The following PRKAR1B variants were observed in gnomAD, a reference collection of about 807,000 sequenced individuals.
The protein encoded by PRKAR1B is cAMP-dependent protein kinase type I-beta regulatory subunit.
PRKAR1B carries 22 observed loss-of-function variants against 46.5 expected under a neutral mutation model. The observed-to-expected ratio is 0.47, with a 90% CI of 0.34 to 0.68. The LOEUF is 0.68. Ranked by LOEUF, PRKAR1B falls within the 30% of genes least tolerant of loss-of-function variation. The pLI, the probability that PRKAR1B is intolerant of heterozygous loss-of-function variation, is 0.01. For synonymous variants in PRKAR1B, 259 were observed against 217.7 expected (o/e 1.19, Z -1.67); for missense variants, 445 against 535.6 (o/e 0.83, Z 1.67).
chr7:579,205 G>A (rs1440154891), intron 9 of PRKAR1B, 51 bp downstream of exon 9: 1 of 1,612,840 alleles, frequency 6.2e-7, no homozygotes, highest in Non-Finnish European at 8.5e-7. Context: ...GGTAAGAAGT[G>A]CCCCTGCCCC....
At chr7:669,728 C>T (rs1009415078) in intron 4 of PRKAR1B, among the ~76,000 whole-genome samples, 4 of 151,432 alleles carry the variant, frequency 2.6e-5, no homozygotes. Context: ...AGCGCCACTG[C>T]ACTCCAGCCT....
intron 4 of PRKAR1B, among the ~76,000 whole-genome samples, chr7:656,920 G>A (rs111161348): frequency 2.7e-5 from 4 of 150,230 alleles, no homozygotes; most frequent in South Asian, 2.1e-4. Context: ...CGGACGGATG[G>A]ATGAATGAAT....
At chr7:597,169 C>T (rs528623234) in intron 6 of PRKAR1B, among the ~76,000 whole-genome samples, 3 of 152,346 alleles carry the variant, frequency 2.0e-5, no homozygotes, top group East Asian at 3.9e-4. Context: ...GAATAGTTCC[C>T]ATTGGCAAAG....
intron 7 of PRKAR1B, among the ~76,000 whole-genome samples, chr7:594,061 C>T (rs989765430): frequency 1.3e-5 from 2 of 152,128 alleles, no homozygotes; most frequent in Non-Finnish European, 2.9e-5. Flanking sequence ...AAGAGGGAAA[C>T]CCAGGGTTGA....
intron 4 of PRKAR1B, among the ~76,000 whole-genome samples, chr7:633,748 G>C (rs1783890565): frequency 6.6e-6 from 1 of 151,982 alleles, no homozygotes; most frequent in Non-Finnish European, 1.5e-5. Context: ...TGATTTAAAG[G>C]AGCTGCCCAC....
chr7:664,777 G>T (rs1466162486), intron 4 of PRKAR1B, among the ~76,000 whole-genome samples: 3 of 152,022 alleles, frequency 2.0e-5, no homozygotes, highest in African/African-American at 7.2e-5. Flanking sequence ...AGCTGGGTGT[G>T]GTGGTGCACG....
intron 4 of PRKAR1B, among the ~76,000 whole-genome samples, chr7:643,653 T>C (rs9691725): frequency 0.064 from 9,246 of 145,136 alleles, 819 homozygotes; most frequent in African/African-American, 0.16. Context: ...ACTGGGGAGG[T>C]GGAGGTTGCA....
In PRKAR1B at chr7:709,371, C is replaced by CT. The variant is rs71016898; in HGVS notation, c.177+1957dup. ...TATGCATGTGTGTGTGTATGTATTT[C>CT]TTTTTTTTTTTTTTTTTTTGAGACG... On this transcript the variant is annotated intron_variant, in intron 2 of 10. Coordinates refer to ENST00000537384, the MANE Select transcript of PRKAR1B (RefSeq NM_001164760.2). Among the ~76,000 whole-genome samples, 952 of 95,596 alleles carry CT rather than the reference C, an allele frequency of 1.0e-2. 25 individuals are homozygous for CT. Among genetic ancestry groups the CT allele is most frequent in the African/African-American group, 0.034 (870 of 25,296 alleles). 62.7% of individuals were successfully genotyped at this position (95,596 alleles called of 152,430 possible).
chr7:682,848 T>C (rs1252867774), intron 2 of PRKAR1B, among the ~76,000 whole-genome samples: 1 of 152,178 alleles, frequency 6.6e-6, no homozygotes, highest in East Asian at 1.9e-4. Flanking sequence ...ACCTGAGTGT[T>C]CACCTTGGTC....
At position 667,795 on chromosome 7, in the gene PRKAR1B, CTA is replaced by C. The variant is rs1291567343; in HGVS notation, c.440+9432_440+9433del. On this transcript the variant is annotated intron_variant, in intron 4 of 10. Coordinates refer to ENST00000537384, the MANE Select transcript of PRKAR1B (RefSeq NM_001164760.2). The surrounding 1 kb of genome is among the most constrained non-coding windows in gnomAD (Gnocchi z 4.3). ...GGAAACTGAGGCTGTGAGGTTGACA[CTA>C]TGCCTCTCACAGATCCTGTGCAAAG... Among the ~76,000 whole-genome samples the C allele has an allele frequency of 1.3e-5, 2 of 152,170 alleles. No homozygotes were observed. Among genetic ancestry groups the C allele is most frequent in the Non-Finnish European group, 2.9e-5 (2 of 68,030 alleles).
intron 8 of PRKAR1B, among the ~76,000 whole-genome samples, chr7:582,845 G>A (rs1338684781): frequency 2.6e-5 from 4 of 152,256 alleles, no homozygotes; most frequent in Non-Finnish European, 4.4e-5. Context: ...GAGGCCCTGC[G>A]TTTGGGATTT....
At chr7:654,724 C>T (rs1383322245) in intron 4 of PRKAR1B, among the ~76,000 whole-genome samples, 1 of 151,948 alleles carries the variant, frequency 6.6e-6, no homozygotes, top group Non-Finnish European at 1.5e-5. Flanking sequence ...CCATCTACAT[C>T]ATCACCATCC....
intron 9 of PRKAR1B, among the ~76,000 whole-genome samples, chr7:573,268 TGA>T (rs1779627682): frequency 6.6e-6 from 1 of 152,214 alleles, no homozygotes; most frequent in Admixed American, 6.5e-5. Flanking sequence ...TCCCTCGGGT[TGA>T]GTTTCGTCCC....
At chr7:721,821 C>A (rs189673158) in intron 1 of PRKAR1B, among the ~76,000 whole-genome samples, 2 of 152,320 alleles carry the variant, frequency 1.3e-5, no homozygotes, top group Admixed American at 1.3e-4. Context: ...ACAGCTCTTT[C>A]CCCTTTACAG....
At chr7:652,048 G>C (rs112690596) in intron 4 of PRKAR1B, among the ~76,000 whole-genome samples, 1 of 95,378 alleles carries the variant, frequency 1.0e-5, no homozygotes, top group Non-Finnish European at 2.1e-5. Context: ...CCCACACAAC[G>C]CTAGGAACCT....
chr7:699,852 G>C (rs1165103135), intron 2 of PRKAR1B, among the ~76,000 whole-genome samples: 1 of 152,182 alleles, frequency 6.6e-6, no homozygotes, highest in Non-Finnish European at 1.5e-5. Context: ...TTTTAAGAAG[G>C]GGGAGCAGTT....
At chr7:728,458 A>C (rs1391508899), upstream of PRKAR1B, among the ~76,000 whole-genome samples, 1 of 152,242 alleles carries the variant, frequency 6.6e-6, no homozygotes, top group Non-Finnish European at 1.5e-5. Flanking sequence ...AATAGATTCC[A>C]GAAGTAGAGG....
At chr7:578,062 C>T (rs1011820706) in intron 9 of PRKAR1B, among the ~76,000 whole-genome samples, 4 of 152,216 alleles carry the variant, frequency 2.6e-5, no homozygotes, top group African/African-American at 7.2e-5. Flanking sequence ...GTTGTCATGG[C>T]AACGGTAAAC....
At chr7:577,593 C>G (rs925526758) in intron 9 of PRKAR1B, among the ~76,000 whole-genome samples, 2 of 152,202 alleles carry the variant, frequency 1.3e-5, no homozygotes, top group Non-Finnish European at 2.9e-5. Context: ...GGGTTCCTCT[C>G]AGGGAGGCCC....
Sources: gnomAD v4.1 joint callset for allele counts (sites outside exome capture counted in the v4.1 genomes callset) on GRCh38, gnomAD v4.1.1 for gene constraint, Gnocchi (gnomAD v3.1) non-coding constraint, MANE v1.5 for transcripts, NCBI Gene and HGNC (gene_info 2026-07-23, HGNC 2026-07-21) for gene names.